The following LRRC4C variants were observed in gnomAD, a reference collection of about 807,000 sequenced individuals.
LRRC4C encodes the protein leucine rich repeat containing 4C, also known as leucine-rich repeat-containing protein 4C.
In LRRC4C, 5 loss-of-function variants were observed where a neutral mutation model predicts 33.6. The observed-to-expected ratio is 0.15, with a 90% CI of 0.08 to 0.31. LRRC4C has a LOEUF of 0.31. LRRC4C is among the 10% of genes least tolerant of loss of function. The pLI, the probability that LRRC4C is intolerant of heterozygous loss-of-function variation, is 1.00. For missense variants in LRRC4C, 560 were observed against 796.7 expected (o/e 0.70, Z 3.58); for synonymous variants, 329 against 302.0 (o/e 1.09, Z -0.93).
chr11:40,546,986 G>A (rs1048102028), intron 3 of LRRC4C, among the ~76,000 whole-genome samples: 6 of 152,126 alleles, frequency 3.9e-5, no homozygotes, highest in African/African-American at 7.2e-5. Flanking sequence ...ACTTGGGTTC[G>A]TTACAGATAG....
At chr11:40,359,308 G>C (rs1156348174) in intron 3 of LRRC4C, among the ~76,000 whole-genome samples, 2 of 152,202 alleles carry the variant, frequency 1.3e-5, no homozygotes, top group Admixed American at 1.3e-4. Context: ...CTGGGGAACA[G>C]ATCCAGGTGG....
At chr11:40,460,560 A>G (rs1277871764) in intron 3 of LRRC4C, among the ~76,000 whole-genome samples, 1 of 152,186 alleles carries the variant, frequency 6.6e-6, no homozygotes, top group Non-Finnish European at 1.5e-5. Context: ...ACCAAAGCCT[A>G]ACAAAAGTAA....
chr11:41,371,503 T>TAAAC (rs1952745347), intron 1 of LRRC4C, among the ~76,000 whole-genome samples: 2 of 152,176 alleles, frequency 1.3e-5, no homozygotes, highest in African/African-American at 4.8e-5. Context: ...TTCATCTCAG[T>TAAAC]TGTGGGACAT....
At chr11:41,044,051 C>G (rs968661386) in intron 1 of LRRC4C, among the ~76,000 whole-genome samples, 18 of 152,082 alleles carry the variant, frequency 1.2e-4, no homozygotes, top group African/African-American at 4.1e-4. Context: ...AACAAGATTC[C>G]TGAATTTTGA....
intron 1 of LRRC4C, among the ~76,000 whole-genome samples, chr11:41,259,342 T>C (rs1168464524): frequency 6.6e-6 from 1 of 152,030 alleles, no homozygotes; most frequent in African/African-American, 2.4e-5. Flanking sequence ...GTAGACATGG[T>C]TGTATTACTT....
chr11:40,387,484 T>C (rs1180303208), intron 3 of LRRC4C, among the ~76,000 whole-genome samples: 1 of 152,184 alleles, frequency 6.6e-6, no homozygotes, highest in African/African-American at 2.4e-5. Flanking sequence ...TGACTAACTC[T>C]TCAAGGGAAA....
At chr11:40,159,351 G>A (rs1314132640) in intron 5 of LRRC4C, among the ~76,000 whole-genome samples, 1 of 152,134 alleles carries the variant, frequency 6.6e-6, no homozygotes, top group Non-Finnish European at 1.5e-5. Context: ...GATACTCAAA[G>A]CGAACTCTCA....
intron 1 of LRRC4C, among the ~76,000 whole-genome samples, chr11:40,968,491 G>A (rs749197327): frequency 7.2e-5 from 11 of 152,116 alleles, no homozygotes; most frequent in Non-Finnish European, 1.3e-4. Flanking sequence ...ATGTTTAGGA[G>A]TTTCATAGCT....
chr11:40,897,394 A>G (rs1020873819), intron 2 of LRRC4C, among the ~76,000 whole-genome samples: 3 of 152,228 alleles, frequency 2.0e-5, no homozygotes, highest in Non-Finnish European at 2.9e-5. Context: ...TTGAAACATG[A>G]GTCAAAGAAA....
At chr11:40,498,252 A>G (rs1233528676) in intron 3 of LRRC4C, among the ~76,000 whole-genome samples, 1 of 152,096 alleles carries the variant, frequency 6.6e-6, no homozygotes, top group East Asian at 1.9e-4. Flanking sequence ...ACATCCCTAG[A>G]CCACACTCCT....
intron 2 of LRRC4C, among the ~76,000 whole-genome samples, chr11:40,929,532 AGT>A (rs1270620347): frequency 3.3e-5 from 5 of 152,254 alleles, no homozygotes; most frequent in African/African-American, 1.2e-4. Context: ...TTATAACTTC[AGT>A]GCTATCCGTC....
chr11:40,741,327 T>C (rs1426703171), intron 2 of LRRC4C, among the ~76,000 whole-genome samples: 2 of 152,042 alleles, frequency 1.3e-5, no homozygotes, highest in Non-Finnish European at 2.9e-5. Context: ...GGAACATATA[T>C]GTACCCCCTA....
chr11:40,448,706 A>ACATATGTG (rs1347598544), intron 3 of LRRC4C, among the ~76,000 whole-genome samples: 3 of 152,204 alleles, frequency 2.0e-5, no homozygotes, highest in Non-Finnish European at 4.4e-5. Context: ...GCTGCAATAA[A>ACATATGTG]CATATGTGTG....
chr11:41,188,944 T>C (rs1398560409), intron 1 of LRRC4C, among the ~76,000 whole-genome samples: 3 of 143,376 alleles, frequency 2.1e-5, no homozygotes, highest in Non-Finnish European at 4.5e-5. Context: ...TGGCAATTTC[T>C]TAAACTAATA....
intron 1 of LRRC4C, among the ~76,000 whole-genome samples, chr11:41,384,883 AC>A (rs1195563491): frequency 6.7e-6 from 1 of 148,968 alleles, no homozygotes; most frequent in Non-Finnish European, 1.5e-5. Context: ...AACTATACAA[AC>A]TTTTTGGGGA....
At chr11:41,163,086 C>T (rs1167507224) in intron 1 of LRRC4C, among the ~76,000 whole-genome samples, 1 of 151,898 alleles carries the variant, frequency 6.6e-6, no homozygotes, top group African/African-American at 2.4e-5. Flanking sequence ...GAAGTATCTG[C>T]TTTTGCATCT....
At position 40,285,895 on chromosome 11, in the gene LRRC4C, C is replaced by T. The variant is rs185275425; in HGVS notation, c.-176+33733G>A. 1.3e-4 allele frequency among the ~76,000 whole-genome samples: 20 copies of T among 152,228 alleles called. No homozygotes were observed. In the East Asian group the frequency reaches 3.5e-3, roughly 26 times the overall value. On this transcript the variant is annotated intron_variant, in intron 4 of 6. Coordinates refer to ENST00000528697, the MANE Select transcript of LRRC4C (RefSeq NM_001258419.2). ...GATACGCAGTTCCTATTCCCAGCCT[C>T]ACCATTTAGTTGCTATACAACCTTA...
At chr11:41,327,006 G>A (rs1301235020) in intron 1 of LRRC4C, among the ~76,000 whole-genome samples, 1 of 152,076 alleles carries the variant, frequency 6.6e-6, no homozygotes, top group African/African-American at 2.4e-5. Flanking sequence ...TCCTTACAGT[G>A]GCTTTATTGA....
Position 41,044,106 on chromosome 11 carries a change from C to G in LRRC4C, c.-495-110383G>C, listed in dbSNP as rs1024992449. Reference sequence around the variant, plus strand: ...TCTCCTTTGGGTGATATATTAGAAGCCAAATTGTGAGTGTTACATGTTCCC... The same window carrying G: ...TCTCCTTTGGGTGATATATTAGAAGGCAAATTGTGAGTGTTACATGTTCCC... On this transcript the variant is annotated intron_variant, in intron 1 of 6. Transcript: ENST00000528697. Among the ~76,000 whole-genome samples, 8 of 151,948 alleles carry G rather than the reference C, an allele frequency of 5.3e-5. No individual in the cohort carries two copies. The East Asian group carries it at 5.8e-4, about 11-fold the overall frequency.
Sources: gnomAD v4.1 joint callset for allele counts (sites outside exome capture counted in the v4.1 genomes callset) on GRCh38, gnomAD v4.1.1 for gene constraint, MANE v1.5 for transcripts, NCBI Gene and HGNC (gene_info 2026-07-23, HGNC 2026-07-21) for gene names.